The following CDH18 variants were observed in gnomAD, a reference collection of about 807,000 sequenced individuals.
CDH18 encodes cadherin 18.
A neutral mutation model predicts 67.9 loss-of-function variants in CDH18; 31 were observed. The observed-to-expected ratio is 0.46, with a 90% CI of 0.34 to 0.62. The LOEUF (loss-of-function observed/expected upper bound fraction) is 0.62, where lower values mean the gene tolerates loss of function less well. CDH18 is among the 20% of genes least tolerant of loss of function. The pLI is 0.01. For synonymous variants in CDH18, 362 were observed against 347.2 expected (o/e 1.04, Z -0.48); for missense variants, 890 against 975.5 (o/e 0.91, Z 1.17).
At chr5:19,941,570 C>T (rs1303260651) in intron 2 of CDH18, among the ~76,000 whole-genome samples, 1 of 151,782 alleles carries the variant, frequency 6.6e-6, no homozygotes, top group Non-Finnish European at 1.5e-5. Flanking sequence ...TCATTTGAGC[C>T]TAGGAGTTTG....
intron 2 of CDH18, among the ~76,000 whole-genome samples, chr5:20,151,703 A>T (rs184707314): frequency 6.6e-6 from 1 of 152,220 alleles, no homozygotes; most frequent in Admixed American, 6.5e-5. Context: ...CGGTACGTCA[A>T]ATACTTCTTT....
At chr5:20,324,446 C>A (rs1738354147) in intron 1 of CDH18, among the ~76,000 whole-genome samples, 1 of 152,098 alleles carries the variant, frequency 6.6e-6, no homozygotes, top group South Asian at 2.1e-4. Flanking sequence ...GAAGCTGAGG[C>A]AGGAGAATGG....
chr5:20,551,252 T>C (rs2126621112), intron 1 of CDH18, among the ~76,000 whole-genome samples: 1 of 151,810 alleles, frequency 6.6e-6, no homozygotes, highest in Middle Eastern at 3.4e-3. Flanking sequence ...TCTTTAATTT[T>C]CCTTCATGTA....
At chr5:20,155,069 A>C (rs1329681147) in intron 2 of CDH18, among the ~76,000 whole-genome samples, 1 of 152,152 alleles carries the variant, frequency 6.6e-6, no homozygotes, top group African/African-American at 2.4e-5. Context: ...CATAAGAAAA[A>C]AATTTTACTT....
Position 20,436,660 on chromosome 5 carries a change from A to G in CDH18, c.-580+138802T>C, listed in dbSNP as rs183477064. On this transcript the variant is annotated intron_variant, in intron 1 of 14. Transcript: ENST00000507958. ...TATATATGAATACATACATATTTAG[A>G]CCCATATGCATACACATATATACAT... Among the ~76,000 whole-genome samples, 1,075 of 151,490 alleles carry G rather than the reference A, an allele frequency of 7.1e-3. 7 individuals are homozygous for G. The highest frequency in any genetic ancestry group is 0.025 in the African/African-American group (1,016 of 41,424).
intron 1 of CDH18, among the ~76,000 whole-genome samples, chr5:20,372,073 T>A (rs552086281): frequency 1.3e-4 from 20 of 152,248 alleles, no homozygotes; most frequent in Middle Eastern, 6.8e-3. Flanking sequence ...AAAGATACAT[T>A]TTTTTTGTAA....
At chr5:19,704,406 T>C (rs904030455) in intron 5 of CDH18, among the ~76,000 whole-genome samples, 3 of 152,098 alleles carry the variant, frequency 2.0e-5, no homozygotes, top group African/African-American at 4.8e-5. Context: ...TTTGTACCTA[T>C]AAATTTATGG....
At chr5:20,480,806 A>G (rs1206159122) in intron 1 of CDH18, among the ~76,000 whole-genome samples, 1 of 152,134 alleles carries the variant, frequency 6.6e-6, no homozygotes. Flanking sequence ...ACAATATGTT[A>G]TTTGCAAACC....
At chr5:19,532,591 T>G (rs11952421) in intron 9 of CDH18, among the ~76,000 whole-genome samples, 2 of 152,084 alleles carry the variant, frequency 1.3e-5, no homozygotes, top group Admixed American at 6.5e-5. Flanking sequence ...GTAGTATCAC[T>G]TATGTTTTAA....
chr5:19,979,527 G>T (rs1798831758), intron 2 of CDH18, among the ~76,000 whole-genome samples: 1 of 151,920 alleles, frequency 6.6e-6, no homozygotes, highest in Non-Finnish European at 1.5e-5. Context: ...TTCATATTTT[G>T]TCTACTCTTC....
chr5:19,612,400 T>C (rs535355620), intron 6 of CDH18, 34 bp downstream of exon 6: 1 of 1,597,532 alleles, frequency 6.3e-7, no homozygotes, highest in South Asian at 1.1e-5. Flanking sequence ...AAAGAGATAA[T>C]GATAAATTCA....
intron 2 of CDH18, among the ~76,000 whole-genome samples, chr5:20,163,058 T>C (rs1162334319): frequency 4.2e-5 from 1 of 23,916 alleles, no homozygotes; most frequent in African/African-American, 2.6e-4. Context: ...AAACTGTCTC[T>C]AAATAAATAA....
intron 1 of CDH18, among the ~76,000 whole-genome samples, chr5:20,402,150 C>T (rs992495520): frequency 6.6e-6 from 1 of 151,984 alleles, no homozygotes; most frequent in Non-Finnish European, 1.5e-5. Context: ...GGCTCTTTTT[C>T]AACGTTCAGC....
intron 5 of CDH18, among the ~76,000 whole-genome samples, chr5:19,664,613 A>G (rs1370951879): frequency 6.6e-6 from 1 of 151,904 alleles, no homozygotes; most frequent in African/African-American, 2.4e-5. Flanking sequence ...TAAAATATTT[A>G]GTTAAATATA....
chr5:19,644,886 C>T (rs943787191), intron 5 of CDH18, among the ~76,000 whole-genome samples: 1 of 152,196 alleles, frequency 6.6e-6, no homozygotes, highest in Non-Finnish European at 1.5e-5. Context: ...GAGACAAGCT[C>T]AGGCTCGCCA....
chr5:19,556,090 G>C (rs1738362251), intron 8 of CDH18, among the ~76,000 whole-genome samples: 1 of 152,122 alleles, frequency 6.6e-6, no homozygotes, highest in African/African-American at 2.4e-5. Context: ...ACCACATCAA[G>C]GAAACATCCT....
intron 3 of CDH18, among the ~76,000 whole-genome samples, chr5:19,809,438 T>G (rs1250731684): frequency 6.6e-6 from 1 of 152,096 alleles, no homozygotes; most frequent in Non-Finnish European, 1.5e-5. Flanking sequence ...CTCCCTGAAA[T>G]TAATGGGTGC....
chr5:20,346,477 T>C (rs1740708353), intron 1 of CDH18, among the ~76,000 whole-genome samples: 1 of 152,142 alleles, frequency 6.6e-6, no homozygotes, highest in Non-Finnish European at 1.5e-5. Flanking sequence ...TGTCCCAAAC[T>C]GTACATTCAG....
At chr5:20,196,772 T>C (rs1025503906) in intron 2 of CDH18, among the ~76,000 whole-genome samples, 5 of 152,196 alleles carry the variant, frequency 3.3e-5, no homozygotes, top group African/African-American at 9.6e-5. Flanking sequence ...CTTCCATGAT[T>C]TGAAGCATGA....
Sources: gnomAD v4.1 joint callset for allele counts (sites outside exome capture counted in the v4.1 genomes callset) on GRCh38, gnomAD v4.1.1 for gene constraint, MANE v1.5 for transcripts, NCBI Gene and HGNC (gene_info 2026-07-23, HGNC 2026-07-21) for gene names.